The following GADL1 variants were observed in gnomAD, a reference collection of about 807,000 sequenced individuals.
GADL1 encodes acidic amino acid decarboxylase GADL1.
In GADL1, 71 loss-of-function variants were observed where a neutral mutation model predicts 69.5. The observed-to-expected ratio is 1.02, with a 90% CI of 0.84 to 1.25. The LOEUF is 1.25. GADL1 is among the 50% of genes most tolerant of loss of function. The pLI, the probability that GADL1 is intolerant of heterozygous loss-of-function variation, is 0.00. For synonymous variants in GADL1, 254 were observed against 214.4 expected (o/e 1.18, Z -1.62); for missense variants, 737 against 631.8 (o/e 1.17, Z -1.79).
chr3:30,862,975 C>T (rs537135430), intron 1 of GADL1, among the ~76,000 whole-genome samples: 1 of 151,598 alleles, frequency 6.6e-6, no homozygotes, highest in African/African-American at 2.4e-5. Context: ...TTGCAGTCAC[C>T]TTTCAAACAC....
At chr3:30,764,251 C>A (rs1575191962) in intron 14 of GADL1, among the ~76,000 whole-genome samples, 1 of 152,216 alleles carries the variant, frequency 6.6e-6, no homozygotes, top group Non-Finnish European at 1.5e-5. Context: ...GAGTCATTTT[C>A]CCTACTCAAA....
At chr3:30,840,853 C>T (rs1331899239) in intron 8 of GADL1, among the ~76,000 whole-genome samples, 1 of 152,212 alleles carries the variant, frequency 6.6e-6, no homozygotes, top group Non-Finnish European at 1.5e-5. Flanking sequence ...GGCATGCTGC[C>T]AGTGAGCTGT....
In GADL1 at chr3:30,741,983, C is replaced by T. The variant is rs187899615; in HGVS notation, c.1393-13568G>A. Reference sequence around the variant, plus strand: ...TAAGCCCACTATGAGGAATTCCAGGCCACATGGAGAGGCTTTCCTGTAGGT... The same window carrying T: ...TAAGCCCACTATGAGGAATTCCAGGTCACATGGAGAGGCTTTCCTGTAGGT... On this transcript the variant is annotated intron_variant, in intron 14 of 14. Transcript: ENST00000282538. 4.7e-4 allele frequency among the ~76,000 whole-genome samples: 72 copies of T among 152,230 alleles called. No individual in the cohort carries two copies. In the East Asian group the frequency reaches 0.012, roughly 26 times the overall value.
chr3:30,892,640 T>G (rs1413672924), intron 1 of GADL1, among the ~76,000 whole-genome samples: 2 of 152,218 alleles, frequency 1.3e-5, no homozygotes, highest in Non-Finnish European at 2.9e-5. Flanking sequence ...ATACCTTGGT[T>G]TTTTTGTTAC....
chr3:30,795,473 A>AAT (rs1262579179), intron 12 of GADL1, among the ~76,000 whole-genome samples: 2 of 152,142 alleles, frequency 1.3e-5, no homozygotes, highest in African/African-American at 4.8e-5. Context: ...CTATGACAGA[A>AAT]ATATTTACAC....
chr3:30,766,776 A>AC (rs75588678), intron 14 of GADL1, among the ~76,000 whole-genome samples: 49,732 of 152,002 alleles, frequency 0.33, 9,699 homozygotes, highest in Non-Finnish European at 0.43. Flanking sequence ...TTAGCAGAGG[A>AC]CAAGGTAAGA....
chr3:30,749,978 T>C (rs1575183072), intron 14 of GADL1, among the ~76,000 whole-genome samples: 1 of 152,322 alleles, frequency 6.6e-6, no homozygotes, highest in East Asian at 1.9e-4. Context: ...CAGGAGGTTT[T>C]GTACTTTAGA....
In GADL1 at chr3:30,802,984, C is replaced by T. The variant is rs575624618; in HGVS notation, c.1051-1896G>A. Among the ~76,000 whole-genome samples the T allele has an allele frequency of 3.7e-3, 566 of 152,212 alleles. 6 individuals are homozygous for T. Among genetic ancestry groups the T allele is most frequent in the African/African-American group, 0.013 (539 of 41,534 alleles). On this transcript the variant is annotated intron_variant, in intron 11 of 14. Coordinates refer to ENST00000282538, the MANE Select transcript of GADL1 (RefSeq NM_207359.3). ...TGGTGGCATGTGCCTGTGGTTGTGG[C>T]GTATGCCTGAAGTGGGAAGATCACT...
intron 1 of GADL1, among the ~76,000 whole-genome samples, chr3:30,887,501 C>A (rs1015682920): frequency 6.6e-6 from 1 of 152,142 alleles, no homozygotes; most frequent in African/African-American, 2.4e-5. Context: ...CCCTGCACCA[C>A]CTTGGGATAC....
intron 11 of GADL1, among the ~76,000 whole-genome samples, chr3:30,809,905 A>G (rs1303043201): frequency 6.6e-6 from 1 of 152,136 alleles, no homozygotes; most frequent in Non-Finnish European, 1.5e-5. Flanking sequence ...TTTTTGTCTT[A>G]TTTCAATTTA....
chr3:30,821,734 G>A (rs1306166396), intron 11 of GADL1, among the ~76,000 whole-genome samples: 1 of 151,294 alleles, frequency 6.6e-6, no homozygotes, highest in African/African-American at 2.4e-5. Context: ...ATGATAATAA[G>A]TCATTTTTTA....
chr3:30,769,407 C>A (rs1269193712), intron 14 of GADL1, among the ~76,000 whole-genome samples: 4 of 152,082 alleles, frequency 2.6e-5, no homozygotes, highest in Non-Finnish European at 4.4e-5. Context: ...CACCCAGATA[C>A]CTCCTTAGGT....
At chr3:30,812,033 G>A (rs948190433) in intron 11 of GADL1, among the ~76,000 whole-genome samples, 2 of 152,176 alleles carry the variant, frequency 1.3e-5, no homozygotes, top group Non-Finnish European at 2.9e-5. Flanking sequence ...AGTCTGAAGT[G>A]TTGAGTTTTT....
chr3:30,852,202 T>C (rs763452805), intron 4 of GADL1, among the ~76,000 whole-genome samples: 1 of 152,154 alleles, frequency 6.6e-6, no homozygotes, highest in Non-Finnish European at 1.5e-5. Flanking sequence ...ACTCTACAGA[T>C]GTTATGCCAT....
At chr3:30,786,502 G>A in intron 12 of GADL1, 96 bp from the exon 13 acceptor site, 1 of 706,246 alleles carries the variant, frequency 1.4e-6, no homozygotes, top group South Asian at 1.5e-5. Flanking sequence ...AGGGCTTGGA[G>A]ATAAGAAAGA....
At chr3:30,857,204 C>T in intron 2 of GADL1, 63 bp from the exon 3 acceptor site, 1 of 1,385,572 alleles carries the variant, frequency 7.2e-7, no homozygotes. Context: ...GAGGATGTTA[C>T]AAACGTGGAC....
chr3:30,854,636 A>G lies in GADL1; in HGVS notation c.428+63T>C. 3.2e-6 allele frequency: 3 copies of G among 945,546 alleles called. No homozygotes were observed. In the South Asian group the frequency reaches 4.6e-5, roughly 14 times the overall value. The allele number at this position is 945,546 out of a possible 1,614,324, so 58.6% of individuals were successfully genotyped here. A position where few individuals can be genotyped will look rare whatever the true frequency, so the allele number is the denominator to read the frequency against. ...ATTAAATAGAGATTTTTGAAATAAA[A>G]TTTCATCTACTTAAAGTCTCTAATC... On this transcript the variant is annotated intron_variant, in intron 4 of 14. Transcript: ENST00000282538.
intron 8 of GADL1, among the ~76,000 whole-genome samples, chr3:30,840,512 G>C (rs1697948511): frequency 6.6e-6 from 1 of 152,092 alleles, no homozygotes; most frequent in Non-Finnish European, 1.5e-5. Flanking sequence ...GACAACTATG[G>C]CTTTATCATA....
intron 14 of GADL1, among the ~76,000 whole-genome samples, chr3:30,761,676 A>T (rs1696137880): frequency 6.6e-6 from 1 of 151,144 alleles, no homozygotes; most frequent in African/African-American, 2.4e-5. Flanking sequence ...TAAAAAAGGA[A>T]TGAGATTTTT....
Sources: allele counts gnomAD v4.1 joint callset (sites outside exome capture counted in the v4.1 genomes callset), GRCh38; gene constraint gnomAD v4.1.1; transcripts MANE v1.5; gene names NCBI Gene and HGNC (gene_info 2026-07-23, HGNC 2026-07-21).